The following SAP30 variants were observed in gnomAD, a reference collection of about 807,000 sequenced individuals.
The protein encoded by SAP30 is histone deacetylase complex subunit SAP30.
SAP30 carries 13 observed loss-of-function variants against 19.6 expected under a neutral mutation model. That is an observed-to-expected ratio of 0.66 (90% CI 0.43 to 1.05). The LOEUF (loss-of-function observed/expected upper bound fraction) is 1.05, where lower values mean the gene tolerates loss of function less well. Ranked by LOEUF, SAP30 falls within the 50% of genes least tolerant of loss-of-function variation. The pLI, the probability that SAP30 is intolerant of heterozygous loss-of-function variation, is 0.00. For missense variants in SAP30, 257 were observed against 292.1 expected (o/e 0.88, Z 0.88); for synonymous variants, 108 against 122.7 (o/e 0.88, Z 0.79).
rs761508475 is a variant in SAP30 at position 173,377,447 on chromosome 4, T to A, written c.*120T>A. ...ATTTTCTCTGATTTTATTTTCTTTGTTTCTGACTCTAATAATTAGTTGGAA... is the reference window on the plus strand; with the variant it reads ...ATTTTCTCTGATTTTATTTTCTTTGATTCTGACTCTAATAATTAGTTGGAA... On this transcript the variant is annotated 3_prime_UTR_variant, in exon 4 of 4. Transcript: ENST00000296504. 2.0e-6 allele frequency: 2 copies of A among 977,734 alleles called. No homozygotes were observed. Among genetic ancestry groups the A allele is most frequent in the Non-Finnish European group, 3.0e-6 (2 of 669,436 alleles). The allele number at this position is 977,734 out of a possible 1,614,324, so 60.6% of individuals were successfully genotyped here.
In SAP30 at chr4:173,371,231, GC is replaced by G; in HGVS notation, c.51del (p.Ala18GlnfsTer81). 3 of 1,412,886 alleles carry G rather than the reference GC, an allele frequency of 2.1e-6. No individual in the cohort carries two copies. The highest frequency in any genetic ancestry group is 2.8e-6 in the Non-Finnish European group (3 of 1,086,862). The allele number at this position is 1,412,886 out of a possible 1,614,324, so 87.5% of individuals were successfully genotyped here. A position where few individuals can be genotyped will look rare whatever the true frequency, so the allele number is the denominator to read the frequency against. The part of the protein sequence containing the change: ...DEMSRGGDAA[A>X]AVAAVVAAAA... ...GATGAGCCGCGGCGGGGATGCGGCCGCCGCAGTGGCCGCAGTGGTCGCTGCC... is the reference window on the plus strand; with the variant it reads ...GATGAGCCGCGGCGGGGATGCGGCCGCGCAGTGGCCGCAGTGGTCGCTGCC... On this transcript the variant is annotated frameshift_variant, in exon 1 of 4. Transcript: ENST00000296504. LOFTEE classifies it high-confidence loss of function. This position sits in a 1 kb window ranked among gnomAD's most constrained non-coding sequence, Gnocchi z 6.4.
chr4:173,377,224 G>C lies in SAP30; in HGVS notation c.560G>C (p.Arg187Thr), dbSNP rs750073243. The change falls in exon 4 of 4, where the codon AGG becomes ACG. Residue 187 changes from arginine (R) to threonine (T), a missense_variant. By Grantham distance (71) the Arg-to-Thr change is moderately conservative. Coordinates refer to ENST00000296504, the MANE Select transcript of SAP30 (RefSeq NM_003864.4). ...QLVEIVGCHFRSIPVNEKDTL... is the reference protein window; with the variant it reads ...QLVEIVGCHFTSIPVNEKDTL... ...TTGTAGATAGTTGGTTGCCACTTTA[G>C]GTCTATTCCAGTGAATGAAAAAGAC... The C allele has an allele frequency of 3.1e-6, 5 of 1,597,156 alleles. No homozygotes were observed. The highest frequency in any genetic ancestry group is 4.3e-6 in the Non-Finnish European group (5 of 1,172,984).
chr4:173,377,376 T>G lies in SAP30; in HGVS notation c.*49T>G, dbSNP rs549709584. The stretch of plus-strand genomic sequence containing the variant: ...ACTTGGATGTTAACACTGTTTACTG[T>G]TTTTTCACATGTAGAAATGTTCTTT... On this transcript the variant is annotated 3_prime_UTR_variant, in exon 4 of 4. Transcript: ENST00000296504. The G allele has an allele frequency of 2.0e-5, 31 of 1,530,378 alleles. No individual in the cohort carries two copies. Among genetic ancestry groups the G allele is most frequent in the Non-Finnish European group, 2.7e-5 (31 of 1,138,652 alleles). 94.8% of individuals were successfully genotyped at this position (1,530,378 alleles called of 1,614,324 possible).
intron 3 of SAP30, among the ~76,000 whole-genome samples, chr4:173,376,361 A>G (rs891271733): frequency 3.9e-5 from 6 of 152,240 alleles, no homozygotes; most frequent in African/African-American, 7.2e-5. Context: ...TTTTCAAGGA[A>G]CCTTAACCAA....
At chr4:173,375,137 C>T (rs1739013538) in intron 3 of SAP30, among the ~76,000 whole-genome samples, 1 of 151,298 alleles carries the variant, frequency 6.6e-6, no homozygotes, top group Non-Finnish European at 1.5e-5. Context: ...TAGCAACACT[C>T]CATCTCTAAA....
At chr4:173,376,027 A>G (rs1202996748) in intron 3 of SAP30, among the ~76,000 whole-genome samples, 1 of 152,214 alleles carries the variant, frequency 6.6e-6, no homozygotes, top group African/African-American at 2.4e-5. Context: ...GCCACCCTCA[A>G]TCTGTGCAAA....
chr4:173,377,027 G>A (rs1043356527), intron 3 of SAP30, among the ~76,000 whole-genome samples, 178 bp from the exon 4 acceptor site: 11 of 152,020 alleles, frequency 7.2e-5, no homozygotes, highest in African/African-American at 1.9e-4. Context: ...TCTCTTGTTC[G>A]TAACATTTTA....
At position 173,373,533 on chromosome 4, in the gene SAP30, A is replaced by G. The variant is rs755629919; in HGVS notation, c.441+18A>G. ...CCCCAGAGGTAGATGGAAGTTTTTT[A>G]TGCTTAATGTAAATCCTAAGTAGTG... On this transcript the variant is annotated intron_variant, in intron 2 of 3. Coordinates refer to ENST00000296504, the MANE Select transcript of SAP30 (RefSeq NM_003864.4). 1.3e-6 allele frequency: 2 copies of G among 1,590,750 alleles called. No individual in the cohort carries two copies. The highest frequency in any genetic ancestry group is 8.5e-7 in the Non-Finnish European group (1 of 1,170,406).
At chr4:173,373,601 T>G (rs1738988414) in intron 2 of SAP30, 86 bp downstream of exon 2, 2 of 1,289,742 alleles carry the variant, frequency 1.6e-6, no homozygotes, top group South Asian at 1.9e-5. Flanking sequence ...ATCTTTTAAG[T>G]GTTTAAAACA....
chr4:173,376,776 G>A (rs1181095067), intron 3 of SAP30, among the ~76,000 whole-genome samples: 2 of 151,710 alleles, frequency 1.3e-5, no homozygotes, highest in East Asian at 3.9e-4. Flanking sequence ...ACACCACCAG[G>A]CCTATCTAAT....
At chr4:173,374,409 G>A (rs1218868825) in intron 3 of SAP30, among the ~76,000 whole-genome samples, 1 of 152,046 alleles carries the variant, frequency 6.6e-6, no homozygotes, top group East Asian at 1.9e-4. Context: ...CCAAGTACCT[G>A]GGACTTCAGG....
rs781005541 is a variant in SAP30 at position 173,377,284 on chromosome 4, A to G, written c.620A>G (p.Asp207Gly). 6.2e-7 allele frequency: 1 copy of G among 1,609,946 alleles called. No individual in the cohort carries two copies. Among genetic ancestry groups the G allele is most frequent in the Non-Finnish European group, 8.5e-7 (1 of 1,178,462 alleles). Reference protein sequence around the residue: ...LTYFIYSVKNDKNKSDLKVDS... With the variant: ...LTYFIYSVKNGKNKSDLKVDS... ...TATTTCATCTACTCAGTGAAGAATG[A>G]CAAGAACAAATCAGATCTCAAGGTT... The change falls in exon 4 of 4, where the codon GAC becomes GGC. Residue 207 changes from aspartate (D) to glycine (G), a missense_variant. By Grantham distance (94) the Asp-to-Gly change is moderately conservative. Transcript: ENST00000296504.
rs1738919134 is a variant in SAP30, at chr4:173,371,144, G to A, written c.-39G>A. On this transcript the variant is annotated 5_prime_UTR_variant, in exon 1 of 4. Transcript: ENST00000296504. The surrounding 1 kb of genome is among the most constrained non-coding windows in gnomAD (Gnocchi z 6.4). ...AGAGAGGCGGAGCGGCCAGGAGAGA[G>A]GGGATTTCTGTCAGCGCCGGCCTCG... The A allele has an allele frequency of 1.2e-5, 17 of 1,454,264 alleles. No homozygotes were observed. The highest frequency in any genetic ancestry group is 1.4e-5 in the Non-Finnish European group (16 of 1,104,620). 90.1% of individuals were successfully genotyped at this position (1,454,264 alleles called of 1,614,324 possible). A position where few individuals can be genotyped will look rare whatever the true frequency, so the allele number is the denominator to read the frequency against.
chr4:173,373,834 A>T, intron 2 of SAP30, 105 bp from the exon 3 acceptor site: 1 of 376,300 alleles, frequency 2.7e-6, no homozygotes, highest in Non-Finnish European at 4.2e-6. Context: ...TGATTTTGGA[A>T]GTAAATTTTA....
chr4:173,375,047 A>G (rs748952864), intron 3 of SAP30, among the ~76,000 whole-genome samples: 4 of 149,490 alleles, frequency 2.7e-5, no homozygotes, highest in Non-Finnish European at 5.9e-5. Context: ...TATTTTAATC[A>G]TATTTAAAAT....
At position 173,371,378 on chromosome 4, in the gene SAP30, C is replaced by T; in HGVS notation, c.196C>T (p.Leu66=). 1.3e-6 allele frequency: 2 copies of T among 1,558,010 alleles called. No individual in the cohort carries two copies. The highest frequency in any genetic ancestry group is 8.6e-7 in the Non-Finnish European group (1 of 1,160,858). The part of the protein sequence containing the change: ...PGAAGPGPGQ[L]CCLREDGERC... Reference sequence around the variant, plus strand: ...GGCGGCCGGGCCGGGCCCCGGGCAACTGTGCTGCCTGCGGGAGGATGGTGA... The same window carrying T: ...GGCGGCCGGGCCGGGCCCCGGGCAATTGTGCTGCCTGCGGGAGGATGGTGA... Residue 66 remains leucine, a synonymous_variant, in exon 1 of 4, where the codon CTG becomes TTG. Transcript: ENST00000296504. This position sits in a 1 kb window ranked among gnomAD's most constrained non-coding sequence, Gnocchi z 6.4.
At chr4:173,373,068 A>G (rs886588867) in intron 1 of SAP30, among the ~76,000 whole-genome samples, 1 of 152,020 alleles carries the variant, frequency 6.6e-6, no homozygotes, top group Admixed American at 6.6e-5. Context: ...ACAGGCGTGA[A>G]CCACCGCGCC....
chr4:173,373,968 A>T lies in SAP30; in HGVS notation c.471A>T (p.Thr157=), dbSNP rs1560823355. ...EVDLYQLQVN[T]LRRYKRHFKL... is the part of the protein sequence containing the mutation. ...ATTTATACCAATTACAAGTAAATAC[A>T]CTTAGGAGATACAAAAGACACTTCA... Residue 157 remains threonine, a synonymous_variant, in exon 3 of 4, where the codon ACA becomes ACT. Coordinates refer to ENST00000296504, the MANE Select transcript of SAP30 (RefSeq NM_003864.4). 6.3e-7 allele frequency: 1 copy of T among 1,595,026 alleles called. No individual in the cohort carries two copies. Among genetic ancestry groups the T allele is most frequent in the South Asian group, 1.1e-5 (1 of 89,118 alleles).
Position 173,371,133 on chromosome 4 carries a change from G to T in SAP30, c.-50G>T. 1.4e-6 allele frequency: 2 copies of T among 1,425,970 alleles called. No homozygotes were observed. The highest frequency in any genetic ancestry group is 1.8e-6 in the Non-Finnish European group (2 of 1,087,696). The allele number at this position is 1,425,970 out of a possible 1,614,324, so 88.3% of individuals were successfully genotyped here. ...TGCCGGAGCGGAGAGAGGCGGAGCG[G>T]CCAGGAGAGAGGGGATTTCTGTCAG... On this transcript the variant is annotated 5_prime_UTR_variant, in exon 1 of 4. Coordinates refer to ENST00000296504, the MANE Select transcript of SAP30 (RefSeq NM_003864.4). The surrounding 1 kb of genome is among the most constrained non-coding windows in gnomAD (Gnocchi z 6.4).
Sources: allele counts gnomAD v4.1 joint callset (sites outside exome capture counted in the v4.1 genomes callset), GRCh38; gene constraint gnomAD v4.1.1; non-coding constraint Gnocchi (gnomAD v3.1); transcripts MANE v1.5; gene names NCBI Gene and HGNC (gene_info 2026-07-23, HGNC 2026-07-21).